PTPRD: variants seen among roughly 807,000 people sequenced by gnomAD.
The protein encoded by PTPRD is receptor-type tyrosine-protein phosphatase delta.
A neutral mutation model predicts 214.5 loss-of-function variants in PTPRD; 34 were observed. The ratio of observed to expected loss-of-function variants is 0.16; its 90% CI spans 0.12 to 0.21. The LOEUF is 0.21. Ranked by LOEUF, PTPRD falls within the 10% of genes least tolerant of loss-of-function variation. The pLI is 1.00. For missense variants in PTPRD, 2,545 were observed against 2,398.7 expected (o/e 1.06, Z -1.27); for synonymous variants, 1,128 against 845.7 (o/e 1.33, Z -5.79).
intron 10 of PTPRD, among the ~76,000 whole-genome samples, chr9:9,093,369 C>T (rs1280132287): frequency 9.2e-5 from 14 of 152,080 alleles, no homozygotes; most frequent in East Asian, 1.9e-4. Flanking sequence ...TATCCAATAA[C>T]GGCAGACTAC....
chr9:9,899,605 TTAAG>T (rs1482296975), intron 5 of PTPRD, among the ~76,000 whole-genome samples: 3 of 151,928 alleles, frequency 2.0e-5, no homozygotes, highest in African/African-American at 4.8e-5. Flanking sequence ...TTGGTGTAAT[TTAAG>T]TTAGTACAGC....
intron 15 of PTPRD, 115 bp from the exon 16 acceptor site, chr9:8,527,468 C>T (rs1439664460): frequency 3.1e-5 from 27 of 877,422 alleles, no homozygotes; most frequent in Non-Finnish European, 4.7e-5. Context: ...ATCTATGTTA[C>T]ATGTGAATAA....
intron 11 of PTPRD, among the ~76,000 whole-genome samples, chr9:9,001,973 C>CTG (rs71500972): frequency 0.041 from 4,698 of 113,446 alleles, 114 homozygotes; most frequent in Non-Finnish European, 0.057. Context: ...CACTAGCTCC[C>CTG]TGTGTGTGTG....
chr9:9,375,549 T>C (rs111587732), intron 9 of PTPRD, among the ~76,000 whole-genome samples: 77 of 152,206 alleles, frequency 5.1e-4, no homozygotes, highest in Middle Eastern at 3.4e-3. Flanking sequence ...TGAGCCAAGA[T>C]TGCGCCACTG....
intron 11 of PTPRD, among the ~76,000 whole-genome samples, chr9:8,923,763 C>G (rs754058318): frequency 6.6e-6 from 1 of 152,138 alleles, no homozygotes; most frequent in African/African-American, 2.4e-5. Context: ...ACCTACCAAA[C>G]GGCAATGAAC....
At chr9:8,556,928 T>C (rs1181828047) in intron 14 of PTPRD, among the ~76,000 whole-genome samples, 1 of 152,230 alleles carries the variant, frequency 6.6e-6, no homozygotes, top group African/African-American at 2.4e-5. Context: ...TTGACCTTTA[T>C]AGTCCTTATA....
chr9:8,499,761 C>T lies in PTPRD; in HGVS notation c.2208G>A (p.Val736=), dbSNP rs2097353638. The T allele has an allele frequency of 6.2e-7, 1 of 1,613,970 alleles. No homozygotes were observed. Among genetic ancestry groups the T allele is most frequent in the Non-Finnish European group, 8.5e-7 (1 of 1,179,998 alleles). The part of the protein sequence containing the change: ...TSVKVSWRSP[V]PNKQHGQIRG... ...TTATCTGGCCATGCTGTTTATTGGGCACGGGTGAGCGCCATGAGACTTTAA... is the reference window on the plus strand; with the variant it reads ...TTATCTGGCCATGCTGTTTATTGGGTACGGGTGAGCGCCATGAGACTTTAA... Residue 736 remains valine, a synonymous_variant, in exon 25 of 46, where the codon GTG becomes GTA. Transcript: ENST00000381196.
intron 10 of PTPRD, among the ~76,000 whole-genome samples, chr9:9,019,678 C>T (rs948652039): frequency 2.6e-5 from 4 of 152,156 alleles, no homozygotes; most frequent in Non-Finnish European, 4.4e-5. Flanking sequence ...TGCACTCCAT[C>T]CCAGGTGACA....
chr9:9,790,270 T>C (rs2098958150), intron 5 of PTPRD, among the ~76,000 whole-genome samples: 1 of 152,200 alleles, frequency 6.6e-6, no homozygotes, highest in Non-Finnish European at 1.5e-5. Flanking sequence ...AGAAAAAATA[T>C]GGCAAAGAAT....
At chr9:10,360,191 C>T (rs779702764) in intron 2 of PTPRD, among the ~76,000 whole-genome samples, 1 of 152,184 alleles carries the variant, frequency 6.6e-6, no homozygotes, top group Non-Finnish European at 1.5e-5. Flanking sequence ...TGAGTTCTTA[C>T]TCTTGATTTG....
At chr9:9,746,744 T>C (rs2154460557) in intron 6 of PTPRD, among the ~76,000 whole-genome samples, 1 of 151,504 alleles carries the variant, frequency 6.6e-6, no homozygotes, top group South Asian at 2.1e-4. Context: ...TCACACGCTC[T>C]GTAGGAATGT....
intron 11 of PTPRD, among the ~76,000 whole-genome samples, chr9:8,852,163 G>C (rs1163857840): frequency 6.6e-6 from 1 of 152,140 alleles, no homozygotes. Context: ...GCAGTACTGA[G>C]AAATGCTGTT....
chr9:10,129,933 G>GT (rs980849097), intron 3 of PTPRD, among the ~76,000 whole-genome samples: 111 of 115,968 alleles, frequency 9.6e-4, no homozygotes, highest in African/African-American at 2.7e-3. Flanking sequence ...ATAACCAAAT[G>GT]TTTTTTTTTA....
chr9:8,629,022 C>A (rs2096152637), intron 14 of PTPRD, among the ~76,000 whole-genome samples: 1 of 151,622 alleles, frequency 6.6e-6, no homozygotes, highest in Non-Finnish European at 1.5e-5. Flanking sequence ...TTGAGAACAG[C>A]CCAGTCTAAA....
At chr9:9,795,792 A>G (rs1357601727) in intron 5 of PTPRD, among the ~76,000 whole-genome samples, 1 of 152,160 alleles carries the variant, frequency 6.6e-6, no homozygotes, top group Non-Finnish European at 1.5e-5. Flanking sequence ...ATGTCTTACC[A>G]CATCTGACAC....
At chr9:9,753,316 C>T (rs2098539737) in intron 6 of PTPRD, among the ~76,000 whole-genome samples, 1 of 151,892 alleles carries the variant, frequency 6.6e-6, no homozygotes, top group Admixed American at 6.6e-5. Flanking sequence ...ATACAGGGAC[C>T]CCTCTGGACA....
intron 9 of PTPRD, among the ~76,000 whole-genome samples, chr9:9,204,777 G>T (rs947945777): frequency 6.6e-6 from 1 of 152,108 alleles, no homozygotes. Context: ...ACTTGAAATT[G>T]TGCTAATATT....
chr9:9,210,924 CT>C (rs2099948115), intron 9 of PTPRD, among the ~76,000 whole-genome samples: 2 of 151,266 alleles, frequency 1.3e-5, no homozygotes, highest in Admixed American at 1.3e-4. Context: ...TTCTATTTTC[CT>C]ATTTCTTAAT....
intron 11 of PTPRD, among the ~76,000 whole-genome samples, chr9:9,009,383 G>C (rs550546886): frequency 2.6e-5 from 4 of 151,776 alleles, no homozygotes; most frequent in African/African-American, 9.7e-5. Context: ...GTGTCTAAAG[G>C]CTCCACAAAT....
Sources: gnomAD v4.1 joint callset for allele counts (sites outside exome capture counted in the v4.1 genomes callset) on GRCh38, gnomAD v4.1.1 for gene constraint, MANE v1.5 for transcripts, NCBI Gene and HGNC (gene_info 2026-07-23, HGNC 2026-07-21) for gene names.